BLTP3A: variants seen among roughly 807,000 people sequenced by gnomAD.
BLTP3A encodes ICBP90 binding protein 1.
the BLTP3A span, chr6:34,856,744 A>G: frequency 6.3e-7 from 1 of 1,591,674 alleles, no homozygotes; most frequent in South Asian, 1.1e-5. Flanking sequence ...ATTAGTAATG[A>G]GAGTTGAATG....
the BLTP3A span, among the ~76,000 whole-genome samples, chr6:34,798,444 C>T: frequency 6.6e-6 from 1 of 152,148 alleles, no homozygotes; most frequent in Non-Finnish European, 1.5e-5. Context: ...ATATGTTTAG[C>T]TTTAATGGAT....
chr6:34,847,076 A>G, the BLTP3A span, among the ~76,000 whole-genome samples: 1 of 152,122 alleles, frequency 6.6e-6, no homozygotes, highest in South Asian at 2.1e-4. Flanking sequence ...TGATTTGCAT[A>G]TTTGGATCAT....
At chr6:34,857,653 T>C in the BLTP3A span, 1 of 1,486,830 alleles carries the variant, frequency 6.7e-7, no homozygotes, top group East Asian at 2.3e-5. Flanking sequence ...CGTAATATAG[T>C]TAATATTAGG....
At chr6:34,843,842 C>T in the BLTP3A span, among the ~76,000 whole-genome samples, 1 of 152,186 alleles carries the variant, frequency 6.6e-6, no homozygotes, top group Admixed American at 6.5e-5. Flanking sequence ...AGTAGTTATA[C>T]TAATTTACAT....
the BLTP3A span, chr6:34,821,986 A>T: frequency 5.0e-5 from 81 of 1,613,946 alleles, no homozygotes; most frequent in Admixed American, 1.3e-3. Context: ...CAAGTTATCA[A>T]ATGGGGATGG....
the BLTP3A span, among the ~76,000 whole-genome samples, chr6:34,832,265 C>T: frequency 6.6e-6 from 1 of 152,034 alleles, no homozygotes; most frequent in Non-Finnish European, 1.5e-5. Flanking sequence ...GGACCAAAGG[C>T]ATGCACCACT....
At chr6:34,808,050 T>C in the BLTP3A span, among the ~76,000 whole-genome samples, 2 of 137,910 alleles carry the variant, frequency 1.5e-5, no homozygotes, top group East Asian at 2.2e-4. Flanking sequence ...ATAATAAGAA[T>C]AGAAATCAGT....
the BLTP3A span, chr6:34,871,085 T>C: frequency 5.6e-6 from 9 of 1,613,784 alleles, no homozygotes; most frequent in East Asian, 2.2e-5. Context: ...CCCATGCAGA[T>C]TGAGCTTCTG....
the BLTP3A span, among the ~76,000 whole-genome samples, chr6:34,852,924 T>C: frequency 6.6e-6 from 1 of 152,158 alleles, no homozygotes; most frequent in Non-Finnish European, 1.5e-5. Context: ...CTGCCCTGTG[T>C]TGGCTTTCTG....
At chr6:34,868,888 C>T in the BLTP3A span, among the ~76,000 whole-genome samples, 1 of 151,870 alleles carries the variant, frequency 6.6e-6, no homozygotes, top group Non-Finnish European at 1.5e-5. Flanking sequence ...AAGACCCTGT[C>T]TCTTAAAAAA....
the BLTP3A span, chr6:34,857,911 G>C: frequency 1.9e-6 from 3 of 1,612,518 alleles, no homozygotes; most frequent in Admixed American, 3.3e-5. Context: ...ATGCATTCTG[G>C]TTGAAGGTGA....
At chr6:34,806,531 A>T in the BLTP3A span, among the ~76,000 whole-genome samples, 1 of 152,204 alleles carries the variant, frequency 6.6e-6, no homozygotes, top group African/African-American at 2.4e-5. Context: ...AGTTAGGGTC[A>T]GTTCTGCTCA....
the BLTP3A span, among the ~76,000 whole-genome samples, chr6:34,818,433 C>T: frequency 6.6e-6 from 1 of 151,554 alleles, no homozygotes. Context: ...GGTACCACTG[C>T]ACTCCAGCCT....
the BLTP3A span, among the ~76,000 whole-genome samples, chr6:34,805,756 A>T: frequency 6.6e-6 from 1 of 151,110 alleles, no homozygotes; most frequent in Non-Finnish European, 1.5e-5. Flanking sequence ...AAAAAAAAAA[A>T]AAAAGTATAA....
the BLTP3A span, chr6:34,792,139 G>A: frequency 1.0e-6 from 1 of 959,678 alleles, no homozygotes; most frequent in Non-Finnish European, 1.4e-6. Context: ...CGGCGGCGGC[G>A]GCTGTGTCCG....
At chr6:34,864,210 C>G in the BLTP3A span, 2 of 1,607,474 alleles carry the variant, frequency 1.2e-6, no homozygotes, top group Non-Finnish European at 1.7e-6. Context: ...TATGTGGGAG[C>G]AGAGCCAGGC....
At chr6:34,799,495 A>G in the BLTP3A span, among the ~76,000 whole-genome samples, 1 of 151,976 alleles carries the variant, frequency 6.6e-6, no homozygotes, top group Non-Finnish European at 1.5e-5. Context: ...GTCTGGGAAA[A>G]AAAAAAAAAG....
At chr6:34,821,539 T>A in the BLTP3A span, 3 of 1,064,072 alleles carry the variant, frequency 2.8e-6, no homozygotes, top group Admixed American at 8.6e-5. Context: ...TTGACTAGCC[T>A]TAACAAATGT....
At chr6:34,814,304 C>T in the BLTP3A span, among the ~76,000 whole-genome samples, 267 of 152,352 alleles carry the variant, frequency 1.8e-3, 1 homozygote, top group African/African-American at 6.0e-3. Flanking sequence ...GCATGAGCCA[C>T]TGTGCCCGAC....
Sources: gnomAD v4.1 joint callset for allele counts (sites outside exome capture counted in the v4.1 genomes callset) on GRCh38, gnomAD v4.1.1 for gene constraint, MANE v1.5 for transcripts, NCBI Gene and HGNC (gene_info 2026-07-23, HGNC 2026-07-21) for gene names.